Variants in TENM4 observed in about 807,000 individuals in gnomAD.
TENM4 encodes the protein teneurin transmembrane protein 4, also known as teneurin-4.
Under a neutral mutation model 243.3 loss-of-function variants are expected in TENM4, and 82 were observed. The ratio of observed to expected loss-of-function variants is 0.34; its 90% CI spans 0.28 to 0.40. The LOEUF (loss-of-function observed/expected upper bound fraction) is 0.40. TENM4 is among the 10% of genes least tolerant of loss of function. The probability of loss-of-function intolerance (pLI) is 1.00; values close to 1 mark genes in which losing one functional copy is unlikely to be tolerated. For synonymous variants in TENM4, 1,412 were observed against 1,456.3 expected (o/e 0.97, Z 0.69); for missense variants, 3,138 against 3,673.3 (o/e 0.85, Z 3.77).
intron 21 of TENM4, 30 bp downstream of exon 21, chr11:78,732,286 T>G (rs771048071): frequency 6.4e-7 from 1 of 1,564,910 alleles, no homozygotes; most frequent in South Asian, 1.2e-5. Flanking sequence ...AATAAAAGCA[T>G]GGTGGAATGC....
chr11:78,810,615 T>C (rs1857477765), intron 14 of TENM4, among the ~76,000 whole-genome samples: 2 of 152,202 alleles, frequency 1.3e-5, no homozygotes, highest in Admixed American at 6.5e-5. Context: ...CAGCCCAAAG[T>C]AATCCCCATC....
chr11:79,333,331 C>T (rs1247894585), intron 1 of TENM4, among the ~76,000 whole-genome samples: 1 of 152,186 alleles, frequency 6.6e-6, no homozygotes, highest in East Asian at 1.9e-4. Context: ...AATATAGATC[C>T]AACTTCCCCT....
At chr11:78,730,173 G>C (rs1855620300) in intron 21 of TENM4, among the ~76,000 whole-genome samples, 1 of 152,224 alleles carries the variant, frequency 6.6e-6, no homozygotes, top group African/African-American at 2.4e-5. Flanking sequence ...AAAGTGCCTA[G>C]CACAGAAACG....
intron 7 of TENM4, among the ~76,000 whole-genome samples, chr11:78,894,979 T>C (rs1307293705): frequency 1.7e-5 from 1 of 59,472 alleles, no homozygotes. Flanking sequence ...GACTCGGCCT[T>C]AAAAAAAAAA....
At chr11:79,344,048 T>C (rs551369589) in intron 1 of TENM4, among the ~76,000 whole-genome samples, 21 of 152,306 alleles carry the variant, frequency 1.4e-4, no homozygotes, top group African/African-American at 5.1e-4. Context: ...TTTAAAGCAT[T>C]CTCCTATCAA....
chr11:78,690,589 G>T (rs756223416), intron 28 of TENM4, among the ~76,000 whole-genome samples: 1 of 152,130 alleles, frequency 6.6e-6, no homozygotes, highest in Admixed American at 6.5e-5. Context: ...TCCAGGCTGT[G>T]CATAGGAGTC....
chr11:78,903,030 G>C (rs1339209920), intron 7 of TENM4, among the ~76,000 whole-genome samples: 1 of 152,190 alleles, frequency 6.6e-6, no homozygotes, highest in Non-Finnish European at 1.5e-5. Flanking sequence ...GGGGTGTCTA[G>C]CAACTTGGCC....
intron 4 of TENM4, among the ~76,000 whole-genome samples, chr11:79,078,440 G>C (rs1860585403): frequency 6.6e-6 from 1 of 152,116 alleles, no homozygotes; most frequent in Non-Finnish European, 1.5e-5. Context: ...ATTTTAAAGT[G>C]GGGGTGGGGA....
intron 2 of TENM4, among the ~76,000 whole-genome samples, chr11:79,238,758 G>A: frequency 6.6e-6 from 1 of 152,086 alleles, no homozygotes; most frequent in East Asian, 1.9e-4. Flanking sequence ...AGGCACAGTG[G>A]CTCACACCTG....
intron 1 of TENM4, among the ~76,000 whole-genome samples, chr11:79,328,491 ATGCTAAGTGGCTTCT>A (rs1215486056): frequency 6.6e-6 from 1 of 152,058 alleles, no homozygotes; most frequent in Non-Finnish European, 1.5e-5. Flanking sequence ...CTCTATCCTC[ATGCTAAGTGGCTTCT>A]TGTTCCTGTG....
chr11:79,346,424 C>G (rs1857327877), intron 1 of TENM4, among the ~76,000 whole-genome samples: 1 of 152,152 alleles, frequency 6.6e-6, no homozygotes, highest in Non-Finnish European at 1.5e-5. Flanking sequence ...ACCGTAGGCA[C>G]TCATTTTCAG....
intron 1 of TENM4, among the ~76,000 whole-genome samples, chr11:79,343,207 ACT>A (rs1857270611): frequency 6.6e-6 from 1 of 152,026 alleles, no homozygotes; most frequent in Non-Finnish European, 1.5e-5. Context: ...ACCACTAAGC[ACT>A]CTGTGCCCAG....
At chr11:79,330,914 G>A (rs151156121) in intron 1 of TENM4, among the ~76,000 whole-genome samples, 1 of 152,268 alleles carries the variant, frequency 6.6e-6, no homozygotes, top group African/African-American at 2.4e-5. Context: ...GAGACACGTG[G>A]GGTCATGAGG....
intron 2 of TENM4, among the ~76,000 whole-genome samples, chr11:79,221,404 G>A (rs1435602526): frequency 6.6e-6 from 1 of 151,330 alleles, no homozygotes; most frequent in Non-Finnish European, 1.5e-5. Context: ...TTTAATTATG[G>A]CAGCTGCAGC....
chr11:79,244,147 A>G (rs1180167842), intron 2 of TENM4, among the ~76,000 whole-genome samples: 2 of 152,168 alleles, frequency 1.3e-5, no homozygotes, highest in African/African-American at 4.8e-5. Context: ...TGTGACTCAG[A>G]AGGTGTTGGA....
Position 78,786,796 on chromosome 11 carries a change from T to A in TENM4, c.2365+102A>T. ...CCAGATGAAAGGACTTTCTTCCCCATCCCCACATGCGATGAGGGCCCAGGC... is the reference window on the plus strand; with the variant it reads ...CCAGATGAAAGGACTTTCTTCCCCAACCCCACATGCGATGAGGGCCCAGGC... On this transcript the variant is annotated intron_variant, in intron 16 of 33. Transcript: ENST00000278550. 3.4e-6 allele frequency: 5 copies of A among 1,473,236 alleles called. No individual in the cohort carries two copies. In the South Asian group the frequency reaches 6.2e-5, roughly 18 times the overall value. The allele number at this position is 1,473,236 out of a possible 1,614,324, so 91.3% of individuals were successfully genotyped here.
intron 4 of TENM4, chr11:79,097,789 C>T (rs556559616): frequency 2.0e-5 from 3 of 151,726 alleles, no homozygotes; most frequent in African/African-American, 7.3e-5. Context: ...TATTTCTCAC[C>T]CACAAACTCC....
At chr11:79,159,098 G>C (rs1239182033) in intron 3 of TENM4, among the ~76,000 whole-genome samples, 1 of 152,146 alleles carries the variant, frequency 6.6e-6, no homozygotes, top group Admixed American at 6.5e-5. Context: ...CTTCTGTGGT[G>C]GTGACCCTCA....
At chr11:78,864,130 G>A (rs1053698414) in intron 9 of TENM4, among the ~76,000 whole-genome samples, 20 of 152,254 alleles carry the variant, frequency 1.3e-4, no homozygotes, top group African/African-American at 4.6e-4. Flanking sequence ...GAATATGAAA[G>A]ACTGGTAACA....
Sources: allele counts gnomAD v4.1 joint callset (sites outside exome capture counted in the v4.1 genomes callset), GRCh38; gene constraint gnomAD v4.1.1; transcripts MANE v1.5; gene names NCBI Gene and HGNC (gene_info 2026-07-23, HGNC 2026-07-21).